The following LINGO2 variants were observed in gnomAD, a reference collection of about 807,000 sequenced individuals.
The protein encoded by LINGO2 is leucine-rich repeat and immunoglobulin-like domain-containing nogo receptor-interacting protein 2.
In LINGO2, 14 loss-of-function variants were observed where a neutral mutation model predicts 30.6. The observed-to-expected ratio is 0.46, with a 90% CI of 0.30 to 0.72. LINGO2 has a LOEUF of 0.72. Among genes scored for constraint, LINGO2 ranks in the 30% least tolerant of loss-of-function variants. LINGO2 has a pLI of 0.07. For missense variants in LINGO2, 729 were observed against 751.7 expected, an observed-to-expected ratio of 0.97 and a Z score of 0.35; for synonymous variants, 317 against 288.5, an observed-to-expected ratio of 1.10 and a Z score of -1.00.
At chr9:28,837,176 A>G in the LINGO2 span, among the ~76,000 whole-genome samples, 1 of 152,208 alleles carries the variant, frequency 6.6e-6, no homozygotes, top group Admixed American at 6.5e-5. Context: ...ATGCTTTCTC[A>G]AAAGACTGAA....
chr9:27,939,378 CCTGCGTTAAAGCCAGCAA>C, the LINGO2 span: 1 of 152,202 alleles, frequency 6.6e-6, no homozygotes, highest in Non-Finnish European at 1.5e-5. Context: ...TGAAACCAGC[CCTGCGTTAAAGCCAGCAA>C]CTTTCTTACA....
chr9:28,461,584 T>G (rs1399191989), intron 2 of LINGO2, among the ~76,000 whole-genome samples: 3 of 152,166 alleles, frequency 2.0e-5, no homozygotes, highest in African/African-American at 7.2e-5. Flanking sequence ...ATATTGAGAA[T>G]TGATGTCCTG....
intron 4 of LINGO2, among the ~76,000 whole-genome samples, chr9:28,277,521 G>A (rs1564090834): frequency 1.3e-5 from 2 of 152,178 alleles, no homozygotes; most frequent in Admixed American, 6.5e-5. Flanking sequence ...AACTAGAAAT[G>A]GGCCGGGTGC....
intron 2 of LINGO2, among the ~76,000 whole-genome samples, chr9:28,384,044 A>T (rs1010151587): frequency 6.6e-6 from 1 of 152,106 alleles, no homozygotes; most frequent in African/African-American, 2.4e-5. Flanking sequence ...ATTACACAAT[A>T]CAACATATGT....
chr9:28,675,729 G>A, the LINGO2 span, among the ~76,000 whole-genome samples: 1 of 151,402 alleles, frequency 6.6e-6, no homozygotes, highest in Non-Finnish European at 1.5e-5. Flanking sequence ...AAATTAGCCA[G>A]GTGTGGTGGC....
At chr9:28,833,527 C>G in the LINGO2 span, among the ~76,000 whole-genome samples, 2 of 152,142 alleles carry the variant, frequency 1.3e-5, no homozygotes. Flanking sequence ...ACTGACATGT[C>G]AAACTAGTAT....
chr9:28,825,505 G>GC, the LINGO2 span, among the ~76,000 whole-genome samples: 8 of 151,326 alleles, frequency 5.3e-5, no homozygotes, highest in Non-Finnish European at 1.2e-4. Flanking sequence ...ACTTCCATCT[G>GC]CTTACCCAAA....
the LINGO2 span, among the ~76,000 whole-genome samples, chr9:28,882,046 T>C: frequency 6.6e-6 from 1 of 152,354 alleles, no homozygotes; most frequent in East Asian, 1.9e-4. Flanking sequence ...ACCACTGTAT[T>C]AGTAACTTTC....
chr9:28,060,636 C>G (rs1345240263), intron 4 of LINGO2, among the ~76,000 whole-genome samples: 2 of 152,136 alleles, frequency 1.3e-5, no homozygotes, highest in African/African-American at 2.4e-5. Flanking sequence ...GGCTAACTTT[C>G]CCTGCCCTCT....
In LINGO2 at chr9:28,401,167, T is replaced by A. The variant is rs1324352969; in HGVS notation, c.-278-28299A>T. On this transcript the variant is annotated intron_variant, in intron 2 of 5. Transcript: ENST00000379992. ...AATTAAGATTTTAAATGTTCTTTTT[T>A]TTCCTTTATTTCTTAAAAACCGAGA... Among the ~76,000 whole-genome samples, 4 of 152,320 alleles carry A rather than the reference T, an allele frequency of 2.6e-5. No individual in the cohort carries two copies. In the East Asian group the frequency reaches 5.8e-4, roughly 22 times the overall value.
chr9:29,131,886 G>T, the LINGO2 span, among the ~76,000 whole-genome samples: 3 of 151,128 alleles, frequency 2.0e-5, no homozygotes, highest in East Asian at 3.9e-4. Context: ...ATTTTCCCTT[G>T]GGAAGACTGT....
chr9:28,013,726 A>C (rs1481061092), intron 4 of LINGO2, among the ~76,000 whole-genome samples: 3 of 152,150 alleles, frequency 2.0e-5, no homozygotes, highest in African/African-American at 7.2e-5. Flanking sequence ...TTTCCCACAA[A>C]GATATTTCTG....
chr9:28,684,048 T>C, the LINGO2 span, among the ~76,000 whole-genome samples: 3 of 151,992 alleles, frequency 2.0e-5, no homozygotes, highest in Non-Finnish European at 2.9e-5. Context: ...TCAAAAGCAA[T>C]ATTTTTTGCA....
chr9:28,346,717 T>C (rs1200532168), intron 3 of LINGO2, among the ~76,000 whole-genome samples: 1 of 152,186 alleles, frequency 6.6e-6, no homozygotes, highest in African/African-American at 2.4e-5. Flanking sequence ...GATTTTTTAA[T>C]AGCCATTCTG....
At chr9:28,180,751 A>T (rs935715233) in intron 4 of LINGO2, among the ~76,000 whole-genome samples, 13 of 152,154 alleles carry the variant, frequency 8.5e-5, no homozygotes, top group African/African-American at 3.1e-4. Flanking sequence ...TATCATTTTT[A>T]AAAATGTCCT....
intron 5 of LINGO2, among the ~76,000 whole-genome samples, chr9:28,005,768 AT>A (rs1468103061): frequency 6.6e-6 from 1 of 152,084 alleles, no homozygotes; most frequent in African/African-American, 2.4e-5. Context: ...ACAGAACTGC[AT>A]TTTTCAAATC....
At chr9:29,130,198 T>G in the LINGO2 span, among the ~76,000 whole-genome samples, 1 of 152,108 alleles carries the variant, frequency 6.6e-6, no homozygotes, top group African/African-American at 2.4e-5. Context: ...AGGATATAAG[T>G]TTTTGCTAGT....
At chr9:28,807,945 G>A in the LINGO2 span, among the ~76,000 whole-genome samples, 2 of 151,968 alleles carry the variant, frequency 1.3e-5, no homozygotes, top group Non-Finnish European at 2.9e-5. Flanking sequence ...CAAGATAAAC[G>A]CAGAGATCTA....
chr9:29,080,810 A>G, the LINGO2 span, among the ~76,000 whole-genome samples: 1 of 152,056 alleles, frequency 6.6e-6, no homozygotes, highest in Non-Finnish European at 1.5e-5. Flanking sequence ...TCTGAGAGAC[A>G]GTTTGTTATA....
Sources: allele counts gnomAD v4.1 joint callset (sites outside exome capture counted in the v4.1 genomes callset), GRCh38; gene constraint gnomAD v4.1.1; transcripts MANE v1.5; gene names NCBI Gene and HGNC (gene_info 2026-07-23, HGNC 2026-07-21).